MILR1: variants seen among roughly 807,000 people sequenced by gnomAD.
The protein encoded by MILR1 is mast cell immunoglobulin like receptor 1.
In MILR1, 31 loss-of-function variants were observed where a neutral mutation model predicts 18.5. The observed-to-expected ratio is 1.68, with a 90% CI of 1.26 to 2.26. MILR1 has a LOEUF of 2.26. Among genes scored for constraint, MILR1 ranks in the 30% most tolerant of loss-of-function variants. The pLI, the probability that MILR1 is intolerant of heterozygous loss-of-function variation, is 0.00. For synonymous variants in MILR1, 85 were observed against 56.2 expected (o/e 1.51, Z -2.30); for missense variants, 257 against 157.4 (o/e 1.63, Z -3.38).
At chr17:64,459,947 G>A (rs1223739112) in intron 4 of MILR1, among the ~76,000 whole-genome samples, 3 of 151,486 alleles carry the variant, frequency 2.0e-5, no homozygotes, top group Admixed American at 6.6e-5. Context: ...TGGAAGATGT[G>A]CTTGGTCATG....
In MILR1 at chr17:64,468,504, G is replaced by A. The variant is rs138176943; in HGVS notation, c.*223G>A. On this transcript the variant is annotated 3_prime_UTR_variant, in exon 10 of 10. Coordinates refer to ENST00000619286, the MANE Select transcript of MILR1 (RefSeq NM_001085423.2). ...GGGTTTCACTATGGTGGCCAGGCTG[G>A]TCTTGAACTCCTGACCTCAGATGAT... 31,666 of 506,290 alleles carry A rather than the reference G, an allele frequency of 0.063. 1,254 individuals are homozygous for A. The highest frequency in any genetic ancestry group is 0.15 in the Admixed American group (3,826 of 25,024). The allele number at this position is 506,290 out of a possible 1,614,324, so 31.4% of individuals were successfully genotyped here.
At chr17:64,496,296 C>G in the MILR1 span, 3 of 718,882 alleles carry the variant, frequency 4.2e-6, no homozygotes, top group African/African-American at 3.5e-5. Flanking sequence ...TGAGAACTAA[C>G]TAACTTCCTT....
At chr17:64,496,011 G>A in the MILR1 span, among the ~76,000 whole-genome samples, 1 of 152,278 alleles carries the variant, frequency 6.6e-6, no homozygotes, top group African/African-American at 2.4e-5. Context: ...GCCTGGCCTT[G>A]ATTTATCCTA....
chr17:64,453,072 C>CTT (rs200977748), intron 3 of MILR1, among the ~76,000 whole-genome samples: 2 of 141,096 alleles, frequency 1.4e-5, no homozygotes, highest in African/African-American at 5.2e-5. Context: ...GATCTCTATT[C>CTT]TTTTTTTTTT....
At chr17:64,489,779 C>T in the MILR1 span, among the ~76,000 whole-genome samples, 1 of 150,576 alleles carries the variant, frequency 6.6e-6, no homozygotes, top group Admixed American at 6.6e-5. Context: ...AAAAAAATCA[C>T]CATTTGGCAA....
the MILR1 span, among the ~76,000 whole-genome samples, chr17:64,489,964 C>T: frequency 1.5e-4 from 22 of 150,562 alleles, no homozygotes; most frequent in African/African-American, 4.9e-5. Flanking sequence ...CTCGTTCTGT[C>T]GCCAGGCTGC....
chr17:64,492,718 T>A, the MILR1 span: 1 of 1,613,596 alleles, frequency 6.2e-7, no homozygotes. Flanking sequence ...GCCACTGGTT[T>A]GAAGTTCTCG....
chr17:64,496,554 G>A, the MILR1 span: 2 of 1,613,946 alleles, frequency 1.2e-6, no homozygotes, highest in South Asian at 1.1e-5. Context: ...TCCCCGGGTA[G>A]CAAAGGGCCT....
At chr17:64,481,601 G>A in the MILR1 span, among the ~76,000 whole-genome samples, 3 of 151,970 alleles carry the variant, frequency 2.0e-5, no homozygotes, top group East Asian at 1.9e-4. Flanking sequence ...GGCTGCGCAC[G>A]GTGGCTCACG....
downstream of MILR1, chr17:64,468,786 T>C (rs1224507152): frequency 1.9e-5 from 5 of 260,100 alleles, no homozygotes; most frequent in Non-Finnish European, 2.4e-5. Flanking sequence ...GTAGACACAA[T>C]AAAAAAATGA....
intron 5 of MILR1, 130 bp downstream of exon 5, chr17:64,461,062 A>G (rs913732767): frequency 2.1e-5 from 8 of 377,632 alleles, no homozygotes; most frequent in Admixed American, 8.8e-5. Flanking sequence ...ATAGGAGGAA[A>G]ACATGAGAAA....
In MILR1 at chr17:64,459,742, G is replaced by A. The variant is rs1395291277; in HGVS notation, c.653-1080G>A. Among the ~76,000 whole-genome samples the A allele has an allele frequency of 1.3e-5, 2 of 152,184 alleles. 1 individual carries two copies. Among genetic ancestry groups the A allele is most frequent in the South Asian group, 4.1e-4 (2 of 4,836 alleles). ...ATAAATAAGGCAACACAGGTGAAGT[G>A]CCTAACACAGTGTCTGGCCTGCAGC... On this transcript the variant is annotated intron_variant, in intron 4 of 9. Transcript: ENST00000619286.
chr17:64,483,774 ACTCACTGC>A, the MILR1 span, among the ~76,000 whole-genome samples: 1 of 147,892 alleles, frequency 6.8e-6, no homozygotes, highest in African/African-American at 2.5e-5. Context: ...AGAATGCTCC[ACTCACTGC>A]CTCACTGCAA....
chr17:64,467,113 T>C (rs1173762653), intron 8 of MILR1, among the ~76,000 whole-genome samples: 4 of 151,660 alleles, frequency 2.6e-5, no homozygotes, highest in Non-Finnish European at 4.4e-5. Flanking sequence ...CTTTCCTGCC[T>C]TTCTCCTTTT....
chr17:64,496,924 C>T, the MILR1 span: 1 of 1,611,916 alleles, frequency 6.2e-7, no homozygotes, highest in East Asian at 2.2e-5. Context: ...ACAACAGGCA[C>T]CTGCAGACCT....
chr17:64,487,890 G>A, the MILR1 span, among the ~76,000 whole-genome samples: 1 of 152,020 alleles, frequency 6.6e-6, no homozygotes, highest in Non-Finnish European at 1.5e-5. Flanking sequence ...TTGAAAATTG[G>A]ATATCCAACA....
At chr17:64,484,528 C>A in the MILR1 span, among the ~76,000 whole-genome samples, 1 of 152,130 alleles carries the variant, frequency 6.6e-6, no homozygotes, top group Admixed American at 6.5e-5. Context: ...ACACAACATG[C>A]ACCTTTTAAC....
At chr17:64,492,903 A>G in the MILR1 span, 1 of 1,614,050 alleles carries the variant, frequency 6.2e-7, no homozygotes, top group East Asian at 2.2e-5. Context: ...ACCTTTTAAC[A>G]CCATTTCGTA....
chr17:64,487,083 CAAAA>C, the MILR1 span: 1 of 144,438 alleles, frequency 6.9e-6, no homozygotes, highest in African/African-American at 2.5e-5. Flanking sequence ...AGTCACAGAA[CAAAA>C]AAAAAAGAGA....
Sources: gnomAD v4.1 joint callset for allele counts (sites outside exome capture counted in the v4.1 genomes callset) on GRCh38, gnomAD v4.1.1 for gene constraint, MANE v1.5 for transcripts, NCBI Gene and HGNC (gene_info 2026-07-23, HGNC 2026-07-21) for gene names.